Variants in MMP17 observed in about 807,000 individuals in gnomAD.
The protein encoded by MMP17 is matrix metalloproteinase-17.
MMP17 carries 54 observed loss-of-function variants against 49.1 expected under a neutral mutation model. The observed-to-expected ratio is 1.10, with a 90% confidence interval of 0.88 to 1.38. The LOEUF is 1.38. MMP17 is among the 40% of genes most tolerant of loss of function. The pLI is 0.00. For synonymous variants in MMP17, 397 were observed against 383.1 expected (o/e 1.04, Z -0.42); for missense variants, 837 against 853.7 (o/e 0.98, Z 0.24).
At chr12:131,842,456 G>A (rs2136329272) in intron 5 of MMP17, among the ~76,000 whole-genome samples, 1 of 152,230 alleles carries the variant, frequency 6.6e-6, no homozygotes, top group Middle Eastern at 3.4e-3. Flanking sequence ...CGTTTCCACT[G>A]TAGTAAAATT....
intron 1 of MMP17, among the ~76,000 whole-genome samples, chr12:131,831,423 C>T (rs777214943): frequency 3.9e-5 from 6 of 152,076 alleles, no homozygotes; most frequent in Non-Finnish European, 8.8e-5. Flanking sequence ...GTGGCAGCCG[C>T]CCTCCATGTC....
chr12:131,845,477 G>A (rs1423329271), intron 8 of MMP17, 28 bp downstream of exon 8: 1 of 1,535,588 alleles, frequency 6.5e-7, no homozygotes, highest in South Asian at 1.2e-5. Flanking sequence ...TCGCACTCCG[G>A]GCTTCCCGGG....
At chr12:131,841,923 C>A in intron 5 of MMP17, 123 bp downstream of exon 5, 2 of 1,137,438 alleles carry the variant, frequency 1.8e-6, no homozygotes, top group Non-Finnish European at 2.4e-6. Context: ...ACGGATGGTG[C>A]CGTGCCAGCT....
At chr12:131,837,035 G>T (rs889024668) in intron 1 of MMP17, among the ~76,000 whole-genome samples, 2 of 152,246 alleles carry the variant, frequency 1.3e-5, no homozygotes, top group African/African-American at 4.8e-5. Flanking sequence ...TTATGCCCAG[G>T]TTAAAGGGCT....
chr12:131,842,640 G>A (rs937344364), intron 5 of MMP17, among the ~76,000 whole-genome samples: 19 of 152,094 alleles, frequency 1.2e-4, no homozygotes, highest in African/African-American at 4.3e-4. Context: ...GGATATGGTA[G>A]CAGGTGCCTG....
intron 8 of MMP17, among the ~76,000 whole-genome samples, chr12:131,849,477 C>T (rs902064138): frequency 6.6e-6 from 1 of 152,040 alleles, no homozygotes; most frequent in South Asian, 2.1e-4. Context: ...AGCAAGACTC[C>T]GTCTCAAAAA....
intron 8 of MMP17, among the ~76,000 whole-genome samples, chr12:131,847,373 A>G (rs1268885137): frequency 6.6e-6 from 1 of 150,618 alleles, no homozygotes; most frequent in East Asian, 1.9e-4. Flanking sequence ...AGATCACACC[A>G]CTGGACTCCA....
rs184506500 is a variant in MMP17 at position 131,835,484 on chromosome 12, C to T, written c.160-2711C>T. Among the ~76,000 whole-genome samples the T allele has an allele frequency of 2.6e-5, 4 of 152,358 alleles. No individual in the cohort carries two copies. The East Asian group carries it at 7.7e-4, about 29-fold the overall frequency. On this transcript the variant is annotated intron_variant, in intron 1 of 9. Transcript: ENST00000360564. ...TGCATGTGGCCTCGTGGCCAGGCTG[C>T]CCAGCTCCCTGGGGACCAGAGTGGG...
intron 1 of MMP17, among the ~76,000 whole-genome samples, chr12:131,834,102 G>GC (rs988261833): frequency 2.8e-4 from 43 of 152,342 alleles, no homozygotes; most frequent in Non-Finnish European, 2.4e-4. Context: ...TCCTGCCTGT[G>GC]CCCCCCAGGG....
rs780297737 is a variant in MMP17 at position 131,838,344 on chromosome 12, G to C, written c.292+17G>C. 1 of 1,610,346 alleles carries C rather than the reference G, an allele frequency of 6.2e-7. No individual in the cohort carries two copies. Among genetic ancestry groups the C allele is most frequent in the Admixed American group, 1.7e-5 (1 of 59,404 alleles). On this transcript the variant is annotated intron_variant, in intron 2 of 9. Transcript: ENST00000360564. The stretch of plus-strand genomic sequence containing the variant: ...GCATCCTGGGTCAGTTCTCCAGGGG[G>C]CAGCGGGAGCGCCGTGGCCCCCGTC...
intron 1 of MMP17, among the ~76,000 whole-genome samples, chr12:131,837,332 C>T (rs1244554824): frequency 2.0e-5 from 3 of 152,228 alleles, no homozygotes; most frequent in African/African-American, 7.2e-5. Flanking sequence ...CGCTCTGTTG[C>T]AGACACAGTC....
chr12:131,841,841 A>G lies in MMP17; in HGVS notation c.883+41A>G, dbSNP rs781616699. 9.9e-6 allele frequency: 15 copies of G among 1,518,436 alleles called. No individual in the cohort carries two copies. In the East Asian group the frequency reaches 3.2e-4, roughly 32 times the overall value. The allele number at this position is 1,518,436 out of a possible 1,614,324, so 94.1% of individuals were successfully genotyped here. On this transcript the variant is annotated intron_variant, in intron 5 of 9. Coordinates refer to ENST00000360564, the MANE Select transcript of MMP17 (RefSeq NM_016155.7). ...AAGCCAGACACAGGGCCCCTGGAAGAGGGGTCAGAAACCCCAGGCACCCCT... is the reference window on the plus strand; with the variant it reads ...AAGCCAGACACAGGGCCCCTGGAAGGGGGGTCAGAAACCCCAGGCACCCCT...
At chr12:131,835,956 G>A (rs1216449646) in intron 1 of MMP17, among the ~76,000 whole-genome samples, 1 of 152,210 alleles carries the variant, frequency 6.6e-6, no homozygotes, top group African/African-American at 2.4e-5. Flanking sequence ...GATGCTCGGG[G>A]CCAAAGATCC....
In MMP17 at chr12:131,833,976, G is replaced by A. The variant is rs906327180; in HGVS notation, c.160-4219G>A. Among the ~76,000 whole-genome samples the A allele has an allele frequency of 2.6e-5, 4 of 152,362 alleles. No individual in the cohort carries two copies. In the South Asian group the frequency reaches 8.3e-4, roughly 32 times the overall value. ...TGCTGTGTGCATTACGCCCTCTTAAGGCTGGAAACAGATACGCATTGTGTC... is the reference window on the plus strand; with the variant it reads ...TGCTGTGTGCATTACGCCCTCTTAAAGCTGGAAACAGATACGCATTGTGTC... On this transcript the variant is annotated intron_variant, in intron 1 of 9. Coordinates refer to ENST00000360564, the MANE Select transcript of MMP17 (RefSeq NM_016155.7).
chr12:131,844,999 A>C (rs1887617895), intron 6 of MMP17, 119 bp from the exon 7 acceptor site: 2 of 998,584 alleles, frequency 2.0e-6, no homozygotes, highest in Non-Finnish European at 3.1e-6. Context: ...AGGCAAGGAT[A>C]GGGGCTCCAC....
At chr12:131,828,930 G>GGGGTCGCCCACCCGGAGCCC (rs957462258) in intron 1 of MMP17, among the ~76,000 whole-genome samples, 2 of 152,006 alleles carry the variant, frequency 1.3e-5, no homozygotes, top group Non-Finnish European at 2.9e-5. Context: ...GAGTTGTGAG[G>GGGGTCGCCCACCCGGAGCCC]GGGTCGCCCA....
Sources: allele counts gnomAD v4.1 joint callset (sites outside exome capture counted in the v4.1 genomes callset), GRCh38; gene constraint gnomAD v4.1.1; transcripts MANE v1.5; gene names NCBI Gene and HGNC (gene_info 2026-07-23, HGNC 2026-07-21).